Variants in KL observed in about 807,000 individuals in gnomAD.
KL encodes alpha-klotho.
Under a neutral mutation model 84.2 loss-of-function variants are expected in KL, and 62 were observed. The observed-to-expected ratio is 0.74, with a 90% CI of 0.60 to 0.91. KL has a LOEUF of 0.91. Among genes scored for constraint, KL ranks in the 40% least tolerant of loss-of-function variants. KL has a pLI of 0.00. For synonymous variants in KL, 528 were observed against 528.0 expected, an observed-to-expected ratio of 1.00 and a Z score of 0.00; for missense variants, 1,261 against 1,305.7, an observed-to-expected ratio of 0.97 and a Z score of 0.53.
In KL at chr13:33,017,161, T is replaced by C; in HGVS notation, c.721T>C (p.Tyr241His). Residue 241 changes from tyrosine to histidine, a missense_variant, in exon 1 of 5, where the codon TAC becomes CAC. Transcript: ENST00000380099. Reference sequence around the variant, plus strand: ...GTACTGGATCACCATCGACAACCCCTACGTGGTGGCCTGGCACGGCTACGC... The same window carrying C: ...GTACTGGATCACCATCGACAACCCCCACGTGGTGGCCTGGCACGGCTACGC... ...VKYWITIDNP[Y>H]VVAWHGYATG... is the part of the protein sequence containing the mutation. 6.2e-7 allele frequency: 1 copy of C among 1,601,150 alleles called. No homozygotes were observed. Among genetic ancestry groups the C allele is most frequent in the Non-Finnish European group, 8.5e-7 (1 of 1,179,746 alleles).
At chr13:33,017,550 G>A (rs574591014) in intron 1 of KL, among the ~76,000 whole-genome samples, 2 of 152,284 alleles carry the variant, frequency 1.3e-5, no homozygotes, top group African/African-American at 4.8e-5. Context: ...GGGTGTAGAG[G>A]AATTCCTAGA....
intron 1 of KL, among the ~76,000 whole-genome samples, chr13:33,029,117 CAT>C (rs1452311656): frequency 2.6e-5 from 4 of 152,172 alleles, no homozygotes; most frequent in South Asian, 2.1e-4. Flanking sequence ...TTTAAAAAGA[CAT>C]AAATATTTTT....
chr13:33,035,893 AT>A (rs1428221277), intron 1 of KL, among the ~76,000 whole-genome samples: 1 of 152,210 alleles, frequency 6.6e-6, no homozygotes, highest in Non-Finnish European at 1.5e-5. Flanking sequence ...TCAATCTCTG[AT>A]TTATTGATGT....
chr13:33,054,206 C>T lies in KL; in HGVS notation c.1259C>T (p.Ser420Leu), dbSNP rs1221239880. Residue 420 changes from serine (S) to leucine (L), a missense_variant, in exon 2 of 5, where the codon TCA becomes TTA. Ser to Leu is a moderately radical substitution (Grantham distance 145). Coordinates refer to ENST00000380099, the MANE Select transcript of KL (RefSeq NM_004795.4). ...ATTGTGGAAAATGGCTGGTTTGTCT[C>T]AGGGACCACCAAGAGAGATGATGCC... Reference protein sequence around the residue: ...IFIVENGWFVSGTTKRDDAKY... With the variant: ...IFIVENGWFVLGTTKRDDAKY... 1.2e-6 allele frequency: 2 copies of T among 1,613,574 alleles called. No homozygotes were observed. The highest frequency in any genetic ancestry group is 1.7e-6 in the Non-Finnish European group (2 of 1,179,938).
chr13:33,038,337 C>A (rs973657004), intron 1 of KL, among the ~76,000 whole-genome samples: 4 of 152,196 alleles, frequency 2.6e-5, no homozygotes, highest in Non-Finnish European at 5.9e-5. Flanking sequence ...TTCCTTTAAT[C>A]ATAGTTTCCA....
At chr13:33,058,943 T>C (rs1476630244) in intron 3 of KL, among the ~76,000 whole-genome samples, 1 of 152,168 alleles carries the variant, frequency 6.6e-6, no homozygotes, top group Non-Finnish European at 1.5e-5. Context: ...GGGAAGTGCA[T>C]GTGTGGGTGT....
At chr13:33,063,280 A>G (rs1029197378) in intron 4 of KL, among the ~76,000 whole-genome samples, 1 of 151,848 alleles carries the variant, frequency 6.6e-6, no homozygotes, top group Non-Finnish European at 1.5e-5. Flanking sequence ...TACACACACG[A>G]AAAGCAAGTG....
chr13:33,050,872 C>T (rs1871716183), intron 1 of KL, among the ~76,000 whole-genome samples: 1 of 152,204 alleles, frequency 6.6e-6, no homozygotes, highest in Non-Finnish European at 1.5e-5. Context: ...CACAGTGTCC[C>T]TACGGGACAA....
At chr13:33,016,340 G>T, upstream of KL, 1 of 152,022 alleles carries the variant, frequency 6.6e-6, no homozygotes, top group South Asian at 1.9e-4. Context: ...GAGCCCGCCG[G>T]GGAGCGGGGG....
At position 33,060,978 on chromosome 13, in the gene KL, A is replaced by G. The variant is rs1203300245; in HGVS notation, c.1899A>G (p.Pro633=). 1 of 1,612,710 alleles carries G rather than the reference A, an allele frequency of 6.2e-7. No homozygotes were observed. The highest frequency in any genetic ancestry group is 8.5e-7 in the Non-Finnish European group (1 of 1,178,938). ...AGCTTGTCCGTGTCAACATCACCCC[A>G]GTGGTGGCCCTGTGGCAGCCTATGG... ...ASELVRVNIT[P]VVALWQPMAP... The change falls in exon 4 of 5, where the codon CCA becomes CCG. Residue 633 remains proline (P), a synonymous_variant. Transcript: ENST00000380099.
intron 1 of KL, among the ~76,000 whole-genome samples, chr13:33,041,195 C>T (rs1871328055): frequency 6.6e-6 from 1 of 152,060 alleles, no homozygotes; most frequent in Non-Finnish European, 1.5e-5. Flanking sequence ...ACTCTATGTA[C>T]TGGGAATCAC....
rs142012227 is a variant in KL at position 33,055,038 on chromosome 13, C to A, written c.1331-9C>A. ...GTCATGTTGCTCTTGTCCCCTCTTC[C>A]CTTTGCAGCCATCAAGCTGGATGGG... On this transcript the variant is annotated splice_polypyrimidine_tract_variant and intron_variant, in intron 2 of 4. Coordinates refer to ENST00000380099, the MANE Select transcript of KL (RefSeq NM_004795.4). 22 of 1,614,124 alleles carry A rather than the reference C, an allele frequency of 1.4e-5. No individual in the cohort carries two copies. The highest frequency in any genetic ancestry group is 1.1e-4 in the African/African-American group (8 of 75,042).
intron 1 of KL, among the ~76,000 whole-genome samples, chr13:33,040,950 A>G (rs1871317574): frequency 6.6e-6 from 1 of 152,170 alleles, no homozygotes; most frequent in South Asian, 2.1e-4. Context: ...TCTGCCTTCA[A>G]TAATAGCCTA....
intron 1 of KL, among the ~76,000 whole-genome samples, chr13:33,041,147 A>G (rs1871326055): frequency 6.6e-6 from 1 of 152,156 alleles, no homozygotes; most frequent in Non-Finnish European, 1.5e-5. Context: ...GTACATTTAC[A>G]TAGTTGTTTG....
At chr13:33,054,954 T>G (rs1252769632) in intron 2 of KL, 93 bp from the exon 3 acceptor site, 18 of 1,512,400 alleles carry the variant, frequency 1.2e-5, no homozygotes, top group Non-Finnish European at 4.6e-6. Context: ...TACACTTTAT[T>G]TATTTAAGTA....
At position 33,041,533 on chromosome 13, in the gene KL, A is replaced by G. The variant is rs117650866; in HGVS notation, c.820-12234A>G. Reference sequence around the variant, plus strand: ...GCATTTACAATTCTAAGTGCTTTCCATGTATTGACTTAGTTAATCCTCACA... The same window carrying G: ...GCATTTACAATTCTAAGTGCTTTCCGTGTATTGACTTAGTTAATCCTCACA... On this transcript the variant is annotated intron_variant, in intron 1 of 4. Coordinates refer to ENST00000380099, the MANE Select transcript of KL (RefSeq NM_004795.4). Among the ~76,000 whole-genome samples the G allele has an allele frequency of 6.9e-3, 1,050 of 152,216 alleles. 9 individuals are homozygous for G. The highest frequency in any genetic ancestry group is 0.024 in the Middle Eastern group (7 of 294).
intron 1 of KL, among the ~76,000 whole-genome samples, chr13:33,031,984 C>T (rs898114195): frequency 6.6e-6 from 1 of 152,160 alleles, no homozygotes; most frequent in South Asian, 2.1e-4. Context: ...GCTGACTTTC[C>T]TGTGGGTACC....
intron 1 of KL, among the ~76,000 whole-genome samples, chr13:33,049,027 G>A (rs2249358): frequency 0.67 from 101,134 of 151,964 alleles, 34,130 homozygotes; most frequent in Admixed American, 0.76. Context: ...TCAAAATCTA[G>A]ATGGAAGGTA....
chr13:33,027,974 C>T (rs1206854437), intron 1 of KL, among the ~76,000 whole-genome samples: 1 of 152,186 alleles, frequency 6.6e-6, no homozygotes, highest in East Asian at 1.9e-4. Context: ...TGTCCAACAA[C>T]TATGAAGGAG....
Sources: allele counts gnomAD v4.1 joint callset (sites outside exome capture counted in the v4.1 genomes callset), GRCh38; gene constraint gnomAD v4.1.1; transcripts MANE v1.5; gene names NCBI Gene and HGNC (gene_info 2026-07-23, HGNC 2026-07-21).